CLVS1: variants seen among roughly 807,000 people sequenced by gnomAD.
The protein encoded by CLVS1 is clavesin 1.
Under a neutral mutation model 33.1 loss-of-function variants are expected in CLVS1, and 10 were observed. That is an observed-to-expected ratio of 0.30 (90% CI 0.19 to 0.51). The LOEUF (loss-of-function observed/expected upper bound fraction) is 0.51. Ranked by LOEUF, CLVS1 falls within the 20% of genes least tolerant of loss-of-function variation. The pLI is 0.97. For synonymous variants in CLVS1, 163 were observed against 166.1 expected, an observed-to-expected ratio of 0.98 and a Z score of 0.14; for missense variants, 343 against 433.4, an observed-to-expected ratio of 0.79 and a Z score of 1.85.
At chr8:61,461,954 C>T (rs1483666012) in intron 5 of CLVS1, among the ~76,000 whole-genome samples, 1 of 151,984 alleles carries the variant, frequency 6.6e-6, no homozygotes, top group East Asian at 1.9e-4. Context: ...TCTTTATTTC[C>T]TCAACATTCA....
chr8:61,074,467 TTA>T (rs71559324), intron 1 of CLVS1, among the ~76,000 whole-genome samples: 2 of 132,514 alleles, frequency 1.5e-5, no homozygotes, highest in Non-Finnish European at 3.2e-5. Context: ...TATATATATG[TTA>T]TATATATATA....
At chr8:60,981,210 C>G in the CLVS1 span, among the ~76,000 whole-genome samples, 1 of 152,182 alleles carries the variant, frequency 6.6e-6, no homozygotes, top group Non-Finnish European at 1.5e-5. Context: ...ACTGTTAGAG[C>G]CATCTGGCAA....
chr8:60,968,707 G>C, the CLVS1 span, among the ~76,000 whole-genome samples: 1 of 151,574 alleles, frequency 6.6e-6, no homozygotes. Flanking sequence ...TGGGCAACAT[G>C]GCAAAACCCC....
chr8:61,013,172 C>T, the CLVS1 span, among the ~76,000 whole-genome samples: 7 of 152,282 alleles, frequency 4.6e-5, no homozygotes, highest in South Asian at 8.3e-4. Context: ...CCTTCCTGGC[C>T]ATTCGGTGGT....
intron 2 of CLVS1, among the ~76,000 whole-genome samples, chr8:61,261,597 G>A (rs747445777): frequency 6.6e-6 from 1 of 152,096 alleles, no homozygotes; most frequent in Non-Finnish European, 1.5e-5. Flanking sequence ...GCTTTGGGGA[G>A]GTGATTATAT....
chr8:61,184,532 G>A (rs985121219), intron 2 of CLVS1, among the ~76,000 whole-genome samples: 9 of 152,190 alleles, frequency 5.9e-5, no homozygotes, highest in Non-Finnish European at 1.0e-4. Context: ...AGGCTGTAGC[G>A]GAGAAGCAGT....
At chr8:61,483,015 C>T (rs1276361095) in intron 5 of CLVS1, among the ~76,000 whole-genome samples, 2 of 152,022 alleles carry the variant, frequency 1.3e-5, no homozygotes, top group Admixed American at 1.3e-4. Context: ...GACATCCTAA[C>T]ATCACAATTA....
At chr8:61,056,932 G>A (rs1465275272), upstream of CLVS1, among the ~76,000 whole-genome samples, 1 of 152,122 alleles carries the variant, frequency 6.6e-6, no homozygotes, top group African/African-American at 2.4e-5. Flanking sequence ...AAGCGCCAGG[G>A]CCTTTGTCAG....
chr8:61,452,782 C>A (rs572922446), intron 3 of CLVS1, among the ~76,000 whole-genome samples: 22 of 152,292 alleles, frequency 1.4e-4, no homozygotes, highest in Admixed American at 3.9e-4. Context: ...GTTTAGCCTT[C>A]AAAATATTTA....
At chr8:61,334,394 T>G (rs1380702987) in intron 2 of CLVS1, among the ~76,000 whole-genome samples, 1 of 152,234 alleles carries the variant, frequency 6.6e-6, no homozygotes, top group Admixed American at 6.5e-5. Context: ...GGTCTGTGTC[T>G]GGTCTTGTCC....
Position 61,343,666 on chromosome 8 carries a change from G to A in CLVS1, c.456-32939G>A, listed in dbSNP as rs189230196. On this transcript the variant is annotated intron_variant, in intron 2 of 5. Coordinates refer to ENST00000325897, the MANE Select transcript of CLVS1 (RefSeq NM_173519.3). ...AACAGTCTGGGCAACGAGAGCTCAG[G>A]ACTGGGTCTTGGAGCCAGTTGCAAA... 6.2e-3 allele frequency among the ~76,000 whole-genome samples: 951 copies of A among 152,274 alleles called. 11 individuals are homozygous for A. The highest frequency in any genetic ancestry group is 0.026 in the Admixed American group (396 of 15,302).
the CLVS1 span, among the ~76,000 whole-genome samples, chr8:61,033,161 A>AAGAAAGAAAGAAAGAGAAAG: frequency 9.8e-5 from 9 of 92,130 alleles, 2 homozygotes; most frequent in Non-Finnish European, 2.0e-4. Flanking sequence ...GAAAGAAAGA[A>AAGAAAGAAAGAAAGAGAAAG]AAAGAAAGAA....
intron 2 of CLVS1, among the ~76,000 whole-genome samples, chr8:61,169,994 T>C (rs1806959469): frequency 6.6e-6 from 1 of 152,212 alleles, no homozygotes; most frequent in Admixed American, 6.5e-5. Flanking sequence ...GGTACTTTTA[T>C]TGAAGTATAA....
intron 2 of CLVS1, among the ~76,000 whole-genome samples, chr8:61,335,417 G>A (rs919712063): frequency 1.3e-5 from 2 of 152,172 alleles, no homozygotes; most frequent in African/African-American, 2.4e-5. Flanking sequence ...AGATGGAGTC[G>A]GTTAAGTTAG....
At chr8:61,374,956 T>G (rs1813582738) in intron 2 of CLVS1, among the ~76,000 whole-genome samples, 1 of 152,164 alleles carries the variant, frequency 6.6e-6, no homozygotes, top group Non-Finnish European at 1.5e-5. Context: ...ATATCTTTAT[T>G]TTTTATCTGT....
chr8:61,192,673 GA>G (rs900127679), intron 2 of CLVS1, among the ~76,000 whole-genome samples: 25 of 151,846 alleles, frequency 1.6e-4, no homozygotes, highest in Admixed American at 1.6e-3. Flanking sequence ...AAATTTACAA[GA>G]AAAAAACAAA....
chr8:61,489,008 T>G (rs1050009837), intron 5 of CLVS1, among the ~76,000 whole-genome samples: 8 of 152,222 alleles, frequency 5.3e-5, no homozygotes, highest in African/African-American at 1.9e-4. Context: ...TGCTGCCAGA[T>G]ATTTGGGTGA....
At chr8:61,112,672 T>C (rs1805650406) in intron 1 of CLVS1, among the ~76,000 whole-genome samples, 1 of 152,224 alleles carries the variant, frequency 6.6e-6, no homozygotes, top group South Asian at 2.1e-4. Flanking sequence ...AGATAGATTC[T>C]AAAAGGTCTG....
chr8:61,012,077 G>A, the CLVS1 span, among the ~76,000 whole-genome samples: 1 of 152,216 alleles, frequency 6.6e-6, no homozygotes, highest in Non-Finnish European at 1.5e-5. Flanking sequence ...CGCTCACCCA[G>A]GGATGCTGGA....
Sources: allele counts gnomAD v4.1 joint callset (sites outside exome capture counted in the v4.1 genomes callset), GRCh38; gene constraint gnomAD v4.1.1; transcripts MANE v1.5; gene names NCBI Gene and HGNC (gene_info 2026-07-23, HGNC 2026-07-21).